MOB3B: variants seen among roughly 807,000 people sequenced by gnomAD.
MOB3B encodes MOB kinase activator-like 2B.
MOB3B carries 7 observed loss-of-function variants against 18.7 expected under a neutral mutation model. The observed-to-expected ratio is 0.37, with a 90% CI of 0.21 to 0.70. The LOEUF (loss-of-function observed/expected upper bound fraction) is 0.70, where lower values mean the gene tolerates loss of function less well. Among genes scored for constraint, MOB3B ranks in the 30% least tolerant of loss-of-function variants. The probability of loss-of-function intolerance (pLI) is 0.52; values close to 1 mark genes in which losing one functional copy is unlikely to be tolerated. For synonymous variants in MOB3B, 111 were observed against 99.9 expected, an observed-to-expected ratio of 1.11 and a Z score of -0.66; for missense variants, 253 against 281.3, an observed-to-expected ratio of 0.90 and a Z score of 0.72.
At chr9:27,452,295 T>C (rs1822802650) in intron 2 of MOB3B, among the ~76,000 whole-genome samples, 1 of 152,174 alleles carries the variant, frequency 6.6e-6, no homozygotes, top group Admixed American at 6.5e-5. Flanking sequence ...TTAGACATAT[T>C]GCATAATTTA....
At chr9:27,406,598 T>G (rs1821982032) in intron 2 of MOB3B, among the ~76,000 whole-genome samples, 2 of 152,154 alleles carry the variant, frequency 1.3e-5, no homozygotes, top group South Asian at 4.1e-4. Flanking sequence ...TTTACAGTCA[T>G]CCCATTTTCA....
chr9:27,404,347 CTTTTTT>C (rs756275032), intron 2 of MOB3B, among the ~76,000 whole-genome samples: 4 of 75,168 alleles, frequency 5.3e-5, no homozygotes, highest in African/African-American at 1.1e-4. Context: ...TTCTTTCTTT[CTTTTTT>C]TTTTTTTTTT....
At chr9:27,523,502 C>T (rs983975383) in intron 1 of MOB3B, among the ~76,000 whole-genome samples, 1 of 148,302 alleles carries the variant, frequency 6.7e-6, no homozygotes, top group Non-Finnish European at 1.5e-5. Context: ...GAAAATGATA[C>T]TACAAGAGAG....
chr9:27,524,846 C>T (rs1820405595), intron 1 of MOB3B: 1 of 1,614,008 alleles, frequency 6.2e-7, no homozygotes, highest in Non-Finnish European at 8.5e-7. Context: ...ACAGGATAGA[C>T]AATTTCCTGA....
intron 3 of MOB3B, among the ~76,000 whole-genome samples, chr9:27,354,192 G>A (rs1460162294): frequency 6.6e-6 from 1 of 152,228 alleles, no homozygotes; most frequent in Non-Finnish European, 1.5e-5. Context: ...CACCAGGCTA[G>A]CCAGGGTGAC....
intron 2 of MOB3B, among the ~76,000 whole-genome samples, chr9:27,418,964 A>T (rs1212960969): frequency 6.6e-6 from 1 of 152,134 alleles, no homozygotes; most frequent in East Asian, 1.9e-4. Context: ...ATTTCTGGAT[A>T]CAAGATTAAT....
intron 3 of MOB3B, among the ~76,000 whole-genome samples, chr9:27,355,048 AAGTTTGCACGTT>A (rs1821166172): frequency 6.6e-6 from 1 of 152,246 alleles, no homozygotes. Context: ...TATCTTGCTC[AAGTTTGCACGTT>A]AGTAAATGCA....
chr9:27,491,683 C>G (rs535180106), intron 1 of MOB3B, among the ~76,000 whole-genome samples: 1 of 152,116 alleles, frequency 6.6e-6, no homozygotes, highest in Non-Finnish European at 1.5e-5. Context: ...ACCATCCTGG[C>G]TAACATGGTG....
chr9:27,342,141 G>T (rs564103058), intron 3 of MOB3B, among the ~76,000 whole-genome samples: 1 of 152,188 alleles, frequency 6.6e-6, no homozygotes, highest in South Asian at 2.1e-4. Flanking sequence ...GACAGAGCCC[G>T]GCATTTAGCA....
chr9:27,498,408 G>A (rs563942635), intron 1 of MOB3B, among the ~76,000 whole-genome samples: 12 of 152,124 alleles, frequency 7.9e-5, no homozygotes, highest in African/African-American at 2.9e-4. Flanking sequence ...TGGAATAAGC[G>A]TGTGATGTGT....
intron 2 of MOB3B, among the ~76,000 whole-genome samples, chr9:27,432,509 A>G (rs1322562432): frequency 6.6e-6 from 1 of 152,164 alleles, no homozygotes; most frequent in Non-Finnish European, 1.5e-5. Context: ...CATGCCCAGC[A>G]CATGGTAGGT....
At chr9:27,393,477 G>A (rs10967922) in intron 2 of MOB3B, among the ~76,000 whole-genome samples, 1 of 151,926 alleles carries the variant, frequency 6.6e-6, no homozygotes, top group Non-Finnish European at 1.5e-5. Context: ...GGACACCATC[G>A]ATACTGTATT....
chr9:27,331,192 C>T (rs956196638), intron 3 of MOB3B, among the ~76,000 whole-genome samples: 1 of 152,158 alleles, frequency 6.6e-6, no homozygotes, highest in Non-Finnish European at 1.5e-5. Flanking sequence ...ACCTGCCTGG[C>T]TCTTGTGGGT....
intron 2 of MOB3B, among the ~76,000 whole-genome samples, chr9:27,389,509 T>G (rs1424883807): frequency 6.7e-6 from 1 of 148,636 alleles, no homozygotes; most frequent in Non-Finnish European, 1.5e-5. Flanking sequence ...AGATGCCTCC[T>G]CTGACCACCT....
chr9:27,389,258 T>A (rs1247698700), intron 2 of MOB3B, among the ~76,000 whole-genome samples: 1 of 152,086 alleles, frequency 6.6e-6, no homozygotes, highest in East Asian at 1.9e-4. Context: ...GGCAGCAATC[T>A]GTGTTTTCAC....
chr9:27,409,311 A>G (rs1329703560), intron 2 of MOB3B, among the ~76,000 whole-genome samples: 2 of 152,218 alleles, frequency 1.3e-5, no homozygotes, highest in African/African-American at 2.4e-5. Flanking sequence ...GCTAGACACT[A>G]TTTAATTCAG....
chr9:27,345,655 C>T (rs1273951973), intron 3 of MOB3B, among the ~76,000 whole-genome samples: 1 of 152,218 alleles, frequency 6.6e-6, no homozygotes, highest in Non-Finnish European at 1.5e-5. Flanking sequence ...TCTTCTGATC[C>T]ATAGTCATCA....
chr9:27,365,020 C>T (rs1189866602), intron 2 of MOB3B, among the ~76,000 whole-genome samples: 1 of 152,116 alleles, frequency 6.6e-6, no homozygotes, highest in African/African-American at 2.4e-5. Flanking sequence ...AACAAAGGGA[C>T]TGTGTTATAC....
chr9:27,422,262 C>T (rs1822267052), intron 2 of MOB3B, among the ~76,000 whole-genome samples: 1 of 152,182 alleles, frequency 6.6e-6, no homozygotes, highest in Non-Finnish European at 1.5e-5. Context: ...CTTTCATTTC[C>T]CACTATTTCC....
Sources: allele counts gnomAD v4.1 joint callset (sites outside exome capture counted in the v4.1 genomes callset), GRCh38; gene constraint gnomAD v4.1.1; transcripts MANE v1.5; gene names NCBI Gene and HGNC (gene_info 2026-07-23, HGNC 2026-07-21).